CPNE2: variants seen among roughly 807,000 people sequenced by gnomAD.
CPNE2 encodes copine 2, also known as copine-2.
A neutral mutation model predicts 69.7 loss-of-function variants in CPNE2; 42 were observed. The ratio of observed to expected loss-of-function variants is 0.60; its 90% confidence interval spans 0.47 to 0.78. CPNE2 has a LOEUF of 0.78. Among genes scored for constraint, CPNE2 ranks in the 30% least tolerant of loss-of-function variants. The pLI is 0.00. For missense variants in CPNE2, 587 were observed against 732.0 expected (o/e 0.80, Z 2.29); for synonymous variants, 294 against 289.8 (o/e 1.01, Z -0.15).
intron 1 of CPNE2, among the ~76,000 whole-genome samples, chr16:57,093,582 G>A (rs1312943536): frequency 6.6e-6 from 1 of 152,060 alleles, no homozygotes; most frequent in African/African-American, 2.4e-5. Flanking sequence ...CTTCAAAGGG[G>A]GCTGTGATTT....
In CPNE2 at chr16:57,134,777, C is replaced by A. The variant is rs753374316; in HGVS notation, c.1119C>A (p.Val373=). 1 of 1,613,940 alleles carries A rather than the reference C, an allele frequency of 6.2e-7. No individual in the cohort carries two copies. Among genetic ancestry groups the A allele is most frequent in the Admixed American group, 1.7e-5 (1 of 60,008 alleles). ...FGAQLPPDWK[V]SHEFAINFNP... is the part of the protein sequence containing the mutation. ...TCAGCGTTTTCTCTGCGTTTCAGGT[C>A]TCCCATGAGTTTGCCATCAACTTCA... The change falls in exon 13 of 16, where the codon GTC becomes GTA. Residue 373 remains valine (V), a splice_region_variant and synonymous_variant. Coordinates refer to ENST00000290776, the MANE Select transcript of CPNE2 (RefSeq NM_152727.6).
At chr16:57,102,820 T>C (rs1364719720) in intron 1 of CPNE2, among the ~76,000 whole-genome samples, 4 of 152,076 alleles carry the variant, frequency 2.6e-5, no homozygotes, top group African/African-American at 9.7e-5. Flanking sequence ...CAGGCTAGTC[T>C]TGAGCTCCCG....
chr16:57,131,377 G>A (rs1314977093), intron 12 of CPNE2, among the ~76,000 whole-genome samples: 4 of 151,914 alleles, frequency 2.6e-5, no homozygotes, highest in Non-Finnish European at 5.9e-5. Context: ...AGTGGCCCAA[G>A]GGCCAGGGCA....
chr16:57,113,886 G>A (rs766310467), intron 3 of CPNE2, among the ~76,000 whole-genome samples: 3 of 152,210 alleles, frequency 2.0e-5, no homozygotes, highest in Non-Finnish European at 2.9e-5. Context: ...CCTGGAGGCC[G>A]GGAGCAAGCG....
At position 57,146,282 on chromosome 16, in the gene CPNE2, C is replaced by G. The variant is rs147199019; in HGVS notation, c.1500C>G (p.Arg500=). The G allele has an allele frequency of 6.4e-7, 1 of 1,555,234 alleles. No individual in the cohort carries two copies. Among genetic ancestry groups the G allele is most frequent in the Non-Finnish European group, 8.7e-7 (1 of 1,148,806 alleles). ...CCCACACGGGGGAGGAGGCAGCCCG[C>G]GATATTGTGCAGTTCGTTCCCTTTC... The part of the protein sequence containing the change: ...LRSHTGEEAA[R]DIVQFVPFRE... Residue 500 remains arginine, a synonymous_variant, in exon 15 of 16, where the codon CGC becomes CGG. Coordinates refer to ENST00000290776, the MANE Select transcript of CPNE2 (RefSeq NM_152727.6). This position sits in a 1 kb window ranked among gnomAD's most constrained non-coding sequence, Gnocchi z 4.4.
chr16:57,119,183 C>T lies in CPNE2; in HGVS notation c.508-12C>T, dbSNP rs1040608394. 1 of 1,613,114 alleles carries T rather than the reference C, an allele frequency of 6.2e-7. No homozygotes were observed. On this transcript the variant is annotated splice_polypyrimidine_tract_variant and intron_variant, in intron 5 of 15. Coordinates refer to ENST00000290776, the MANE Select transcript of CPNE2 (RefSeq NM_152727.6). ...TGTACCTCTCTCACCCGCATCCTCCCACTTCTCCCAGGACCTCTTTGGGAA... is the reference window on the plus strand; with the variant it reads ...TGTACCTCTCTCACCCGCATCCTCCTACTTCTCCCAGGACCTCTTTGGGAA...
At chr16:57,113,991 A>G (rs1006890214) in intron 3 of CPNE2, among the ~76,000 whole-genome samples, 18 of 151,906 alleles carry the variant, frequency 1.2e-4, no homozygotes, top group Non-Finnish European at 1.5e-5. Flanking sequence ...GTTTCCCCAC[A>G]TTTTCCTTGG....
At chr16:57,123,570 A>G in intron 10 of CPNE2, 97 bp downstream of exon 10, 1 of 1,340,476 alleles carries the variant, frequency 7.5e-7, no homozygotes, top group Non-Finnish European at 1.1e-6. Flanking sequence ...GACTTAGGGT[A>G]GACTTCAGGA....
At chr16:57,114,768 C>G (rs1403989189) in intron 3 of CPNE2, among the ~76,000 whole-genome samples, 3 of 150,804 alleles carry the variant, frequency 2.0e-5, no homozygotes, top group Non-Finnish European at 4.4e-5. Context: ...ATTATTGCAC[C>G]CTGTGTAAGT....
rs1199510391 is a variant in CPNE2 at position 57,123,141 on chromosome 16, A to G, written c.868-273A>G. On this transcript the variant is annotated intron_variant, in intron 9 of 15. Transcript: ENST00000290776. ...AAATTGAGACACTCTGTGTCAGGTA[A>G]CTGACACTGGGCCCTGGCACCCTGC... 2.6e-5 allele frequency among the ~76,000 whole-genome samples: 4 copies of G among 152,150 alleles called. No homozygotes were observed. The East Asian group carries it at 7.7e-4, about 29-fold the overall frequency.
rs1478074077 is a variant in CPNE2 at position 57,148,277 on chromosome 16, TCA to T, written c.*621_*622del. 1.3e-5 allele frequency: 2 copies of T among 152,218 alleles called. No individual in the cohort carries two copies. The highest frequency in any genetic ancestry group is 4.8e-5 in the African/African-American group (2 of 41,466). 9.4% of individuals were successfully genotyped at this position (152,218 alleles called of 1,614,324 possible). On this transcript the variant is annotated 3_prime_UTR_variant, in exon 16 of 16. Coordinates refer to ENST00000290776, the MANE Select transcript of CPNE2 (RefSeq NM_152727.6). ...GCATTCCAGATGATAACCTGTTAAATCACTGCCAGTTAACAGTGATAACCTGT... is the reference window on the plus strand; with the variant it reads ...GCATTCCAGATGATAACCTGTTAAATCTGCCAGTTAACAGTGATAACCTGT...
At chr16:57,109,580 G>T (rs2069668035) in intron 1 of CPNE2, among the ~76,000 whole-genome samples, 1 of 152,090 alleles carries the variant, frequency 6.6e-6, no homozygotes, top group Non-Finnish European at 1.5e-5. Flanking sequence ...ATTTCTTGAT[G>T]ATATACTAAA....
chr16:57,111,464 C>T lies in CPNE2; in HGVS notation c.180+542C>T, dbSNP rs374284897. Among the ~76,000 whole-genome samples, 68 of 152,364 alleles carry T rather than the reference C, an allele frequency of 4.5e-4. 2 individuals are homozygous for T. In the East Asian group the frequency reaches 7.3e-3, roughly 16 times the overall value. On this transcript the variant is annotated intron_variant, in intron 2 of 15. Transcript: ENST00000290776. ...AAGTGCTGGGATTACAGGCATGAAC[C>T]ACCACGCCCCATCTTGTTATAAATT...
At chr16:57,104,453 G>A (rs1396331907) in intron 1 of CPNE2, among the ~76,000 whole-genome samples, 1 of 152,168 alleles carries the variant, frequency 6.6e-6, no homozygotes, top group African/African-American at 2.4e-5. Context: ...TCTCCTGCTG[G>A]CCTCTCAGAC....
At chr16:57,098,591 A>G (rs1051738508) in intron 1 of CPNE2, among the ~76,000 whole-genome samples, 14 of 152,216 alleles carry the variant, frequency 9.2e-5, no homozygotes, top group Admixed American at 8.5e-4. Flanking sequence ...AAAGTCTTTT[A>G]GCTCTGAGAC....
chr16:57,140,545 A>G (rs1283801978), intron 14 of CPNE2, among the ~76,000 whole-genome samples: 2 of 151,690 alleles, frequency 1.3e-5, no homozygotes, highest in Non-Finnish European at 2.9e-5. Context: ...CTTAATGGGC[A>G]GTAACTGGGA....
At position 57,130,495 on chromosome 16, in the gene CPNE2, A is replaced by G. The variant is rs1439472272; in HGVS notation, c.1116+2592A>G. Among the ~76,000 whole-genome samples the G allele has an allele frequency of 6.6e-6, 1 of 152,060 alleles. No homozygotes were observed. The highest frequency in any genetic ancestry group is 2.4e-5 in the African/African-American group (1 of 41,412). On this transcript the variant is annotated intron_variant, in intron 12 of 15. Transcript: ENST00000290776. This position sits in a 1 kb window ranked among gnomAD's most constrained non-coding sequence, Gnocchi z 4.1. The stretch of plus-strand genomic sequence containing the variant: ...GGAGGGAGGGGCAGAAAGCAAACCC[A>G]TAAGTAGCAGCATTTATTGGGCCCT...
intron 14 of CPNE2, among the ~76,000 whole-genome samples, 183 bp downstream of exon 14, chr16:57,137,465 C>T (rs1316142774): frequency 1.3e-5 from 2 of 152,226 alleles, no homozygotes. Context: ...TCCTGGAGCA[C>T]AGACTGGAGA....
intron 14 of CPNE2, among the ~76,000 whole-genome samples, chr16:57,140,559 G>A (rs531834130): frequency 6.6e-5 from 10 of 151,744 alleles, no homozygotes; most frequent in African/African-American, 1.9e-4. Flanking sequence ...ACTGGGAAAG[G>A]CCTGGGAGGG....
Sources: gnomAD v4.1 joint callset for allele counts (sites outside exome capture counted in the v4.1 genomes callset) on GRCh38, gnomAD v4.1.1 for gene constraint, Gnocchi (gnomAD v3.1) non-coding constraint, MANE v1.5 for transcripts, NCBI Gene and HGNC (gene_info 2026-07-23, HGNC 2026-07-21) for gene names.